TENM4: variants seen among roughly 807,000 people sequenced by gnomAD.
TENM4 encodes teneurin-4.
A neutral mutation model predicts 243.3 loss-of-function variants in TENM4; 82 were observed. That is an observed-to-expected ratio of 0.34 (90% CI 0.28 to 0.40). The LOEUF (loss-of-function observed/expected upper bound fraction) is 0.40. TENM4 is among the 10% of genes least tolerant of loss of function. The pLI, the probability that TENM4 is intolerant of heterozygous loss-of-function variation, is 1.00. For missense variants in TENM4, 3,138 were observed against 3,673.3 expected (o/e 0.85, Z 3.77); for synonymous variants, 1,412 against 1,456.3 (o/e 0.97, Z 0.69).
At chr11:79,294,522 C>T (rs1347792128) in intron 2 of TENM4, among the ~76,000 whole-genome samples, 2 of 152,146 alleles carry the variant, frequency 1.3e-5, no homozygotes, top group East Asian at 3.9e-4. Context: ...TCTGCAATCT[C>T]ACAGAGAATG....
intron 4 of TENM4, among the ~76,000 whole-genome samples, chr11:79,137,729 T>C (rs1197047688): frequency 6.6e-6 from 1 of 152,214 alleles, no homozygotes; most frequent in African/African-American, 2.4e-5. Context: ...ATAAGATTTA[T>C]TAACTTCACG....
chr11:78,843,523 A>G (rs1185450062), intron 12 of TENM4, among the ~76,000 whole-genome samples: 1 of 152,152 alleles, frequency 6.6e-6, no homozygotes, highest in Non-Finnish European at 1.5e-5. Flanking sequence ...GTTTATGTTA[A>G]ATATCTAAGA....
chr11:79,390,194 C>A (rs942579146), intron 1 of TENM4, among the ~76,000 whole-genome samples: 2 of 152,176 alleles, frequency 1.3e-5, no homozygotes, highest in Non-Finnish European at 2.9e-5. Context: ...AGCCAATGGG[C>A]ATAGGAGGTC....
intron 2 of TENM4, among the ~76,000 whole-genome samples, chr11:79,238,503 C>A (rs1465885698): frequency 5.9e-5 from 9 of 152,122 alleles, no homozygotes; most frequent in Non-Finnish European, 1.5e-5. Flanking sequence ...GTTCTCGAGC[C>A]TTTTGACTCA....
chr11:79,048,448 T>C (rs1033183387), intron 6 of TENM4, among the ~76,000 whole-genome samples: 2 of 152,186 alleles, frequency 1.3e-5, no homozygotes, highest in African/African-American at 4.8e-5. Flanking sequence ...GTAGGCAGTC[T>C]AGAGCAAAGC....
chr11:78,658,138 A>G lies in TENM4; in HGVS notation c.8230T>C (p.Ser2744Pro). 6.2e-7 allele frequency: 1 copy of G among 1,614,054 alleles called. No homozygotes were observed. The highest frequency in any genetic ancestry group is 8.5e-7 in the Non-Finnish European group (1 of 1,179,902). The change falls in exon 34 of 34, where the codon TCT becomes CCT. Residue 2744 changes from serine (S) to proline (P), a missense_variant. Coordinates refer to ENST00000278550, the MANE Select transcript of TENM4 (RefSeq NM_001098816.3). ...GACAGTTCTGGGTACTGCTCGACAG[A>G]GATCACGAAAAAGCCGTCGTAGCCT... ...VQGYDGFFVI[S>P]VEQYPELSDS... is the part of the protein sequence containing the mutation.
chr11:79,268,355 C>T (rs961423), intron 2 of TENM4, among the ~76,000 whole-genome samples: 85,642 of 152,070 alleles, frequency 0.56, 25,024 homozygotes, highest in Non-Finnish European at 0.66. Context: ...AGGCAACAGG[C>T]CTGTGGGCTG....
At chr11:78,814,617 C>T (rs1437349349) in intron 12 of TENM4, among the ~76,000 whole-genome samples, 1 of 152,140 alleles carries the variant, frequency 6.6e-6, no homozygotes, top group Admixed American at 6.5e-5. Flanking sequence ...TCTGCCTGAA[C>T]CAAATTTTTA....
intron 12 of TENM4, among the ~76,000 whole-genome samples, chr11:78,846,680 C>T (rs1450571344): frequency 6.6e-6 from 1 of 151,600 alleles, no homozygotes; most frequent in African/African-American, 2.4e-5. Flanking sequence ...TTCTCAGCTT[C>T]GCTTACCCTA....
intron 1 of TENM4, among the ~76,000 whole-genome samples, chr11:79,326,133 A>G (rs1361495932): frequency 1.3e-5 from 2 of 152,200 alleles, no homozygotes; most frequent in African/African-American, 4.8e-5. Context: ...CAAGTTGTTT[A>G]AAAAGTCCCA....
At chr11:79,070,081 T>G in intron 4 of TENM4, 72 bp from the exon 5 acceptor site, 1 of 1,443,860 alleles carries the variant, frequency 6.9e-7, no homozygotes, top group Non-Finnish European at 9.1e-7. Flanking sequence ...GGTCCTGGAT[T>G]CACCCTTGCA....
intron 4 of TENM4, among the ~76,000 whole-genome samples, chr11:79,101,150 A>C (rs376981615): frequency 1.3e-5 from 2 of 152,220 alleles, no homozygotes; most frequent in East Asian, 3.9e-4. Context: ...TTCTTAAGCT[A>C]GCTGGTGGGG....
At chr11:78,795,810 A>G (rs933480466) in intron 15 of TENM4, among the ~76,000 whole-genome samples, 2 of 152,224 alleles carry the variant, frequency 1.3e-5, no homozygotes, top group African/African-American at 4.8e-5. Flanking sequence ...TAAGTTGGAC[A>G]GATGGCTTTC....
At chr11:79,330,724 C>G (rs1857048353) in intron 1 of TENM4, among the ~76,000 whole-genome samples, 1 of 152,188 alleles carries the variant, frequency 6.6e-6, no homozygotes, top group Non-Finnish European at 1.5e-5. Context: ...TACTATCCCT[C>G]CTGGCAGATG....
intron 2 of TENM4, among the ~76,000 whole-genome samples, chr11:79,288,768 G>A (rs1301060542): frequency 1.3e-5 from 2 of 152,206 alleles, no homozygotes; most frequent in Non-Finnish European, 2.9e-5. Context: ...GGCTAAGCAG[G>A]TGGACAGATT....
chr11:78,707,730 C>T (rs923149616), intron 27 of TENM4, among the ~76,000 whole-genome samples: 6 of 152,216 alleles, frequency 3.9e-5, no homozygotes, highest in Non-Finnish European at 8.8e-5. Context: ...AACTTTTGTT[C>T]ATTCATCACC....
chr11:78,972,657 A>G (rs1039434493), intron 6 of TENM4, among the ~76,000 whole-genome samples: 6 of 152,128 alleles, frequency 3.9e-5, no homozygotes, highest in East Asian at 1.9e-4. Context: ...CTGAGTTTTT[A>G]AAAATATCAG....
intron 4 of TENM4, among the ~76,000 whole-genome samples, chr11:79,095,592 C>T (rs937212734): frequency 2.0e-5 from 3 of 151,956 alleles, no homozygotes; most frequent in Non-Finnish European, 4.4e-5. Flanking sequence ...CCCAGGGACC[C>T]GGTGACCTCC....
intron 1 of TENM4, among the ~76,000 whole-genome samples, chr11:79,397,662 G>A (rs1408827229): frequency 6.6e-6 from 1 of 152,218 alleles, no homozygotes; most frequent in Non-Finnish European, 1.5e-5. Flanking sequence ...GGCTTTGTGA[G>A]CCAGGAAGGC....
Sources: allele counts gnomAD v4.1 joint callset (sites outside exome capture counted in the v4.1 genomes callset), GRCh38; gene constraint gnomAD v4.1.1; transcripts MANE v1.5; gene names NCBI Gene and HGNC (gene_info 2026-07-23, HGNC 2026-07-21).